Variants in ADAP2 observed in about 807,000 individuals in gnomAD.
ADAP2 encodes the protein ArfGAP with dual PH domains 2, also known as arf-GAP with dual PH domain-containing protein 2.
A neutral mutation model predicts 54.9 loss-of-function variants in ADAP2; 42 were observed. The observed-to-expected ratio is 0.77, with a 90% CI of 0.60 to 0.99. ADAP2 has a LOEUF of 0.99. Among genes scored for constraint, ADAP2 ranks in the 50% least tolerant of loss-of-function variants. ADAP2 has a pLI of 0.00. For missense variants in ADAP2, 429 were observed against 480.4 expected (o/e 0.89, Z 1.00); for synonymous variants, 177 against 180.1 (o/e 0.98, Z 0.14).
At chr17:30,957,503 C>T (rs928559022) in intron 10 of ADAP2, among the ~76,000 whole-genome samples, 2 of 151,900 alleles carry the variant, frequency 1.3e-5, no homozygotes, top group Non-Finnish European at 2.9e-5. Context: ...TCTCAGCTCA[C>T]TGCAACCTCT....
At chr17:30,927,808 A>T (rs374503760) in intron 3 of ADAP2, among the ~76,000 whole-genome samples, 4 of 151,376 alleles carry the variant, frequency 2.6e-5, no homozygotes, top group East Asian at 2.0e-4. Context: ...TCGCTTGAAG[A>T]TAGGAGTTCA....
chr17:30,930,320 C>A (rs1911381398), intron 3 of ADAP2, among the ~76,000 whole-genome samples: 1 of 150,654 alleles, frequency 6.6e-6, no homozygotes, highest in Admixed American at 6.6e-5. Flanking sequence ...GATCTGCCTG[C>A]CTTGGCCTCC....
chr17:30,946,963 G>A (rs1224959865), intron 6 of ADAP2, among the ~76,000 whole-genome samples: 1 of 152,112 alleles, frequency 6.6e-6, no homozygotes, highest in Admixed American at 6.6e-5. Context: ...TTTTACTGAG[G>A]CACCCAAGGT....
intron 2 of ADAP2, 61 bp downstream of exon 2, chr17:30,923,131 A>G: frequency 2.5e-6 from 4 of 1,591,994 alleles, no homozygotes; most frequent in Non-Finnish European, 3.4e-6. Context: ...GGCAGCGGGC[A>G]GGGGGCTCCC....
chr17:30,932,597 G>C (rs1217003167), intron 4 of ADAP2, among the ~76,000 whole-genome samples: 3 of 142,192 alleles, frequency 2.1e-5, no homozygotes. Context: ...TTTTTTTTGA[G>C]ACAGAGTCTT....
chr17:30,948,382 G>C (rs1904325118), intron 6 of ADAP2, among the ~76,000 whole-genome samples: 1 of 151,052 alleles, frequency 6.6e-6, no homozygotes, highest in African/African-American at 2.4e-5. Context: ...GGCTAACGTG[G>C]TGAAACCCTG....
chr17:30,951,439 T>C (rs1468969786), intron 7 of ADAP2, among the ~76,000 whole-genome samples: 2 of 152,182 alleles, frequency 1.3e-5, no homozygotes, highest in East Asian at 1.9e-4. Context: ...TAAAGCCTAG[T>C]GAATGTATTT....
intron 2 of ADAP2, among the ~76,000 whole-genome samples, chr17:30,926,173 C>A (rs1245592292): frequency 6.6e-6 from 1 of 152,222 alleles, no homozygotes; most frequent in African/African-American, 2.4e-5. Context: ...AGCAATGCTC[C>A]TCTCCTGCAA....
chr17:30,943,392 A>T (rs943469165), intron 5 of ADAP2, among the ~76,000 whole-genome samples: 3 of 151,978 alleles, frequency 2.0e-5, no homozygotes, highest in African/African-American at 4.8e-5. Context: ...GAAAGAAAAG[A>T]AAAAAGAAAG....
chr17:30,945,117 T>A (rs1912570275), intron 6 of ADAP2, 64 bp downstream of exon 6: 1 of 1,570,614 alleles, frequency 6.4e-7, no homozygotes, highest in Non-Finnish European at 8.7e-7. Flanking sequence ...CAGGTGCAGC[T>A]CACCACCTCC....
At chr17:30,935,587 G>T (rs1187281924) in intron 5 of ADAP2, among the ~76,000 whole-genome samples, 1 of 152,146 alleles carries the variant, frequency 6.6e-6, no homozygotes, top group African/African-American at 2.4e-5. Context: ...CTGAGCACAG[G>T]TATGGTCAAA....
intron 3 of ADAP2, among the ~76,000 whole-genome samples, chr17:30,927,934 G>A (rs1911184868): frequency 6.6e-6 from 1 of 151,988 alleles, no homozygotes; most frequent in South Asian, 2.1e-4. Flanking sequence ...AGACTGAAGT[G>A]GGTGGATTGC....
At chr17:30,929,966 G>A (rs1303020053) in intron 3 of ADAP2, among the ~76,000 whole-genome samples, 4 of 151,968 alleles carry the variant, frequency 2.6e-5, no homozygotes, top group African/African-American at 9.7e-5. Context: ...ATCTGCCTGT[G>A]TTGGCCTCCC....
At chr17:30,932,108 C>A in intron 4 of ADAP2, 140 bp downstream of exon 4, 1 of 697,414 alleles carries the variant, frequency 1.4e-6, no homozygotes, top group Non-Finnish European at 2.4e-6. Flanking sequence ...GGTGTGGGTT[C>A]TTCTGACTTT....
intron 4 of ADAP2, 42 bp downstream of exon 4, chr17:30,932,010 GA>G: frequency 6.3e-7 from 1 of 1,583,422 alleles, no homozygotes; most frequent in Non-Finnish European, 8.7e-7. Flanking sequence ...ATGTTTTAAT[GA>G]GCTCTAGAAA....
In ADAP2 at chr17:30,926,981, C is replaced by G. The variant is rs932317876; in HGVS notation, c.317+63C>G. On this transcript the variant is annotated intron_variant, in intron 3 of 10. Coordinates refer to ENST00000330889, the MANE Select transcript of ADAP2 (RefSeq NM_018404.3). ...TGTCCTGGTTCCACCTCCTCCCCCT[C>G]TCCATCTTTGGTGTCTTCATCTGTG... 4.2e-5 allele frequency: 55 copies of G among 1,310,038 alleles called. No homozygotes were observed. The Admixed American group carries it at 8.5e-4, about 20-fold the overall frequency. The allele number at this position is 1,310,038 out of a possible 1,614,324, so 81.2% of individuals were successfully genotyped here.
At chr17:30,945,306 C>T (rs1567722997) in intron 6 of ADAP2, among the ~76,000 whole-genome samples, 1 of 152,156 alleles carries the variant, frequency 6.6e-6, no homozygotes, top group Non-Finnish European at 1.5e-5. Context: ...AATGAAAGTC[C>T]AGTTACAGAA....
chr17:30,949,572 C>A (rs1449857684), intron 7 of ADAP2, among the ~76,000 whole-genome samples: 1 of 151,940 alleles, frequency 6.6e-6, no homozygotes, highest in African/African-American at 2.4e-5. Flanking sequence ...CACGGTGAAA[C>A]CCCGTCTCTA....
chr17:30,922,822 C>A, intron 1 of ADAP2, 118 bp from the exon 2 acceptor site: 1 of 1,204,562 alleles, frequency 8.3e-7, no homozygotes, highest in South Asian at 1.5e-5. Context: ...CCAGGCTGGC[C>A]GCTTAGTTCG....
Sources: allele counts gnomAD v4.1 joint callset (sites outside exome capture counted in the v4.1 genomes callset), GRCh38; gene constraint gnomAD v4.1.1; transcripts MANE v1.5; gene names NCBI Gene and HGNC (gene_info 2026-07-23, HGNC 2026-07-21).